Variants in ZEB1 observed in about 807,000 individuals in gnomAD.
ZEB1 encodes the protein zinc finger E-box binding homeobox 1, also known as zinc finger E-box-binding homeobox 1.
ZEB1 carries 21 observed loss-of-function variants against 84.9 expected under a neutral mutation model. The observed-to-expected ratio is 0.25, with a 90% CI of 0.18 to 0.36. The LOEUF (loss-of-function observed/expected upper bound fraction) is 0.36. ZEB1 is among the 10% of genes least tolerant of loss of function. The pLI is 1.00. For missense variants in ZEB1, 1,104 were observed against 1,330.2 expected, an observed-to-expected ratio of 0.83 and a Z score of 2.65; for synonymous variants, 420 against 471.1, an observed-to-expected ratio of 0.89 and a Z score of 1.41.
At chr10:31,363,009 G>T in intron 1 of ZEB1, 1 of 1,533,850 alleles carries the variant, frequency 6.5e-7, no homozygotes, top group Admixed American at 2.0e-5. Flanking sequence ...GGGGCCGCTC[G>T]TCTCTATCAC....
At chr10:31,437,848 G>A (rs1041037630) in intron 1 of ZEB1, among the ~76,000 whole-genome samples, 2 of 152,170 alleles carry the variant, frequency 1.3e-5, no homozygotes, top group African/African-American at 2.4e-5. Context: ...CAAATAAAAT[G>A]AATTAGAATG....
chr10:31,438,067 G>A (rs893343880), intron 1 of ZEB1, among the ~76,000 whole-genome samples: 3 of 152,190 alleles, frequency 2.0e-5, no homozygotes, highest in Admixed American at 1.3e-4. Context: ...GTGTTTGGGT[G>A]TATGTGAGAT....
intron 1 of ZEB1, among the ~76,000 whole-genome samples, chr10:31,403,383 A>G (rs940575819): frequency 6.6e-6 from 1 of 151,836 alleles, no homozygotes; most frequent in East Asian, 1.9e-4. Flanking sequence ...TGTATTAAAC[A>G]CTTAACCTAC....
At chr10:31,448,661 A>G (rs969012096) in intron 1 of ZEB1, among the ~76,000 whole-genome samples, 249 of 151,986 alleles carry the variant, frequency 1.6e-3, no homozygotes, top group Non-Finnish European at 2.7e-3. Context: ...GGTCTGTTGG[A>G]ATACCCTGCC....
intron 2 of ZEB1, among the ~76,000 whole-genome samples, chr10:31,489,341 C>T (rs1461586369): frequency 1.3e-5 from 2 of 151,066 alleles, no homozygotes; most frequent in Non-Finnish European, 3.0e-5. Context: ...TATCCTTTTA[C>T]TTTTAAACTA....
chr10:31,407,833 C>G (rs1233660397), intron 1 of ZEB1, among the ~76,000 whole-genome samples: 1 of 150,066 alleles, frequency 6.7e-6, no homozygotes, highest in South Asian at 2.2e-4. Context: ...AAAACTGGCA[C>G]AAGACAGGGA....
At chr10:31,469,972 G>C (rs12251380) in intron 2 of ZEB1, among the ~76,000 whole-genome samples, 8,880 of 152,152 alleles carry the variant, frequency 0.058, 729 homozygotes, top group African/African-American at 0.18. Context: ...TCACACGGCA[G>C]GGTACTCCAA....
intron 1 of ZEB1, among the ~76,000 whole-genome samples, chr10:31,395,991 T>G (rs2050648165): frequency 6.6e-6 from 1 of 152,204 alleles, no homozygotes; most frequent in Non-Finnish European, 1.5e-5. Context: ...CACTTCAGTT[T>G]ATAGCGTTTT....
chr10:31,405,894 C>T (rs2052915459), intron 1 of ZEB1, among the ~76,000 whole-genome samples: 1 of 152,046 alleles, frequency 6.6e-6, no homozygotes, highest in Non-Finnish European at 1.5e-5. Flanking sequence ...CTCCCTGTGT[C>T]CATGTGTTCT....
intron 1 of ZEB1, among the ~76,000 whole-genome samples, chr10:31,380,989 G>A (rs967284306): frequency 1.3e-5 from 2 of 152,254 alleles, no homozygotes; most frequent in East Asian, 1.9e-4. Context: ...ATAACTGTGA[G>A]TGATGAGTTG....
At chr10:31,476,711 A>C (rs1278935286) in intron 2 of ZEB1, among the ~76,000 whole-genome samples, 1 of 152,120 alleles carries the variant, frequency 6.6e-6, no homozygotes, top group Non-Finnish European at 1.5e-5. Flanking sequence ...AATGTATCAC[A>C]ATCAAGTGTG....
chr10:31,484,474 G>T (rs895513962), intron 2 of ZEB1, among the ~76,000 whole-genome samples: 2 of 151,862 alleles, frequency 1.3e-5, no homozygotes, highest in Non-Finnish European at 2.9e-5. Flanking sequence ...TTATGGATGA[G>T]AAAAAATAAG....
At position 31,385,894 on chromosome 10, in the gene ZEB1, G is replaced by A. The variant is rs545363186; in HGVS notation, c.58+66602G>A. 8.7e-4 allele frequency among the ~76,000 whole-genome samples: 133 copies of A among 152,200 alleles called. 2 individuals carry two copies. Among genetic ancestry groups the A allele is most frequent in the African/African-American group, 3.1e-3 (129 of 41,532 alleles). On this transcript the variant is annotated intron_variant, in intron 1 of 8. Coordinates refer to ENST00000424869, the MANE Select transcript of ZEB1 (RefSeq NM_001174096.2). Reference sequence around the variant, plus strand: ...GTTGGAAAACATTTAAAGGAAATAAGTCTCTGTGTTTTTAATAATAGTTTA... The same window carrying A: ...GTTGGAAAACATTTAAAGGAAATAAATCTCTGTGTTTTTAATAATAGTTTA...
chr10:31,366,147 A>C (rs1004186411), intron 1 of ZEB1, among the ~76,000 whole-genome samples: 4 of 152,128 alleles, frequency 2.6e-5, no homozygotes, highest in African/African-American at 9.7e-5. Flanking sequence ...CCCCCAATCT[A>C]AAATCTCTCT....
chr10:31,452,386 T>C (rs1016491167), intron 1 of ZEB1, among the ~76,000 whole-genome samples: 1 of 152,122 alleles, frequency 6.6e-6, no homozygotes, highest in Non-Finnish European at 1.5e-5. Flanking sequence ...AAAGTCAGAT[T>C]AACAAAAATT....
intron 1 of ZEB1, among the ~76,000 whole-genome samples, chr10:31,370,072 A>C (rs1474766620): frequency 6.6e-6 from 1 of 152,066 alleles, no homozygotes; most frequent in Non-Finnish European, 1.5e-5. Context: ...TTTGTTATTG[A>C]GATGTTGGAG....
intron 1 of ZEB1, among the ~76,000 whole-genome samples, chr10:31,343,529 A>C (rs2039762915): frequency 6.6e-6 from 1 of 151,762 alleles, no homozygotes; most frequent in Non-Finnish European, 1.5e-5. Flanking sequence ...GATTTATAGA[A>C]TTTTTCATTT....
At chr10:31,451,158 A>G (rs1468549316) in intron 1 of ZEB1, among the ~76,000 whole-genome samples, 1 of 152,184 alleles carries the variant, frequency 6.6e-6, no homozygotes, top group East Asian at 1.9e-4. Flanking sequence ...CAAGTTCTAT[A>G]ATACAGTGAT....
At chr10:31,421,173 G>A (rs59118389) in intron 1 of ZEB1, among the ~76,000 whole-genome samples, 164 of 152,232 alleles carry the variant, frequency 1.1e-3, no homozygotes, top group African/African-American at 3.6e-3. Context: ...GTGCATGGAT[G>A]ATTGGGAGAA....
Sources: allele counts gnomAD v4.1 joint callset (sites outside exome capture counted in the v4.1 genomes callset), GRCh38; gene constraint gnomAD v4.1.1; transcripts MANE v1.5; gene names NCBI Gene and HGNC (gene_info 2026-07-23, HGNC 2026-07-21).